The following LSS variants were observed in gnomAD, a reference collection of about 807,000 sequenced individuals.
The protein encoded by LSS is 2,3-epoxysqualene-lanosterol cyclase.
A neutral mutation model predicts 110.3 loss-of-function variants in LSS; 90 were observed. The observed-to-expected ratio is 0.82, with a 90% CI of 0.69 to 0.97. The LOEUF (loss-of-function observed/expected upper bound fraction) is 0.97, where lower values mean the gene tolerates loss of function less well. Ranked by LOEUF, LSS falls within the 50% of genes least tolerant of loss-of-function variation. The pLI, the probability that LSS is intolerant of heterozygous loss-of-function variation, is 0.00. For missense variants in LSS, 927 were observed against 990.0 expected (o/e 0.94, Z 0.85); for synonymous variants, 433 against 400.0 (o/e 1.08, Z -0.98).
In LSS at chr21:46,225,123, A is replaced by G. The variant is rs149804838; in HGVS notation, c.320-2385T>C. 6.2e-3 allele frequency: 1,104 copies of G among 176,912 alleles called. 14 individuals carry two copies. The highest frequency in any genetic ancestry group is 0.025 in the African/African-American group (1,066 of 42,506). 11.0% of individuals were successfully genotyped at this position (176,912 alleles called of 1,614,324 possible). A position where few individuals can be genotyped will look rare whatever the true frequency, so the allele number is the denominator to read the frequency against. On this transcript the variant is annotated intron_variant, in intron 3 of 21. Transcript: ENST00000397728. ...AAGAGTTATACTAGATCTAGATCAT[A>G]CATATGATTATATATGAATATCATT...
At chr21:46,203,979 G>A (rs1188563014) in intron 17 of LSS, among the ~76,000 whole-genome samples, 1 of 152,174 alleles carries the variant, frequency 6.6e-6, no homozygotes, top group Non-Finnish European at 1.5e-5. Flanking sequence ...AAGTATTCAA[G>A]TTAGAAAAAT....
intron 2 of LSS, among the ~76,000 whole-genome samples, chr21:46,228,049 T>TGGCC (rs2080373626): frequency 6.6e-6 from 1 of 152,228 alleles, no homozygotes; most frequent in African/African-American, 2.4e-5. Context: ...TTTCCCTCGG[T>TGGCC]GGCCGGGGCT....
At position 46,188,554 on chromosome 21, in the gene LSS, G is replaced by A. The variant is rs779488867; in HGVS notation, c.*2550C>T. On this transcript the variant is annotated 3_prime_UTR_variant, in exon 22 of 22. Transcript: ENST00000397728. ...TGGTGGTGTCCTTTGTCAAGAGCAT[G>A]TCAGGGTGATGAGTCATCTGGGACA... 51 of 457,082 alleles carry A rather than the reference G, an allele frequency of 1.1e-4. 1 individual carries two copies. The allele number at this position is 457,082 out of a possible 1,614,324, so 28.3% of individuals were successfully genotyped here.
intron 15 of LSS, among the ~76,000 whole-genome samples, chr21:46,207,172 C>T (rs896210362): frequency 5.9e-5 from 9 of 152,382 alleles, no homozygotes; most frequent in Admixed American, 3.9e-4. Context: ...TTGGGGGCCA[C>T]GCCGGCTCCC....
chr21:46,208,170 C>G, intron 14 of LSS, 81 bp downstream of exon 14: 1 of 1,351,130 alleles, frequency 7.4e-7, no homozygotes, highest in East Asian at 2.5e-5. Context: ...GAGGAGCCCC[C>G]CCTTCAGAGG....
intron 2 of LSS, among the ~76,000 whole-genome samples, chr21:46,227,924 A>G (rs936153278): frequency 6.6e-6 from 1 of 152,186 alleles, no homozygotes; most frequent in African/African-American, 2.4e-5. Flanking sequence ...ATTCTTCACA[A>G]CTTCTCCAAG....
At chr21:46,203,404 CG>C (rs895799245) in intron 17 of LSS, among the ~76,000 whole-genome samples, 1 of 152,110 alleles carries the variant, frequency 6.6e-6, no homozygotes, top group African/African-American at 2.4e-5. Flanking sequence ...GTGGGCCAGG[CG>C]TGAAAGGGGC....
chr21:46,207,432 G>A lies in LSS; in HGVS notation c.1463C>T (p.Ala488Val). 6.2e-7 allele frequency: 1 copy of A among 1,612,182 alleles called. No individual in the cohort carries two copies. Among genetic ancestry groups the A allele is most frequent in the South Asian group, 1.1e-5 (1 of 90,624 alleles). Reference sequence around the variant, plus strand: ...CTGCTGGGACCACAGCCTTACCACAGCCACAGCATCGCAGAGCCGTTCTCT... The same window carrying A: ...CTGCTGGGACCACAGCCTTACCACAACCACAGCATCGCAGAGCCGTTCTCT... ...IPRERLCDAV[A>V]VLLNMRNPDG... Residue 488 changes from alanine to valine, a missense_variant, in exon 15 of 22, where the codon GCT becomes GTT. By Grantham distance (64) the Ala-to-Val change is moderately conservative. Coordinates refer to ENST00000397728, the MANE Select transcript of LSS (RefSeq NM_002340.6).
chr21:46,219,784 G>T (rs1031113695), intron 5 of LSS, among the ~76,000 whole-genome samples: 1 of 152,210 alleles, frequency 6.6e-6, no homozygotes, highest in African/African-American at 2.4e-5. Flanking sequence ...GGTGGAACCA[G>T]TGGCTTTCCT....
chr21:46,222,169 C>T, intron 4 of LSS, 194 bp from the exon 5 acceptor site: 1 of 607,974 alleles, frequency 1.6e-6, no homozygotes, highest in East Asian at 2.8e-5. Flanking sequence ...GACAACTGAG[C>T]CCCCCACTCC....
intron 9 of LSS, among the ~76,000 whole-genome samples, chr21:46,214,421 C>T (rs188904306): frequency 7.7e-4 from 117 of 152,332 alleles, no homozygotes; most frequent in African/African-American, 2.7e-3. Context: ...AACAAGGGAC[C>T]CGCTGCAGGG....
intron 5 of LSS, chr21:46,220,286 G>A (rs983291591): frequency 1.3e-5 from 2 of 152,324 alleles, no homozygotes; most frequent in Non-Finnish European, 2.9e-5. Context: ...CCGGACAGCA[G>A]CCTTGGGGAC....
intron 3 of LSS, chr21:46,224,876 T>TGGGGGTG (rs1349967263): frequency 1.2e-5 from 1 of 86,236 alleles, no homozygotes; most frequent in Admixed American, 1.6e-4. Flanking sequence ...TTTGGGAGGC[T>TGGGGGTG]GGGGGTGGGG....
At chr21:46,194,341 C>T in intron 20 of LSS, 150 bp downstream of exon 20, 2 of 923,224 alleles carry the variant, frequency 2.2e-6, no homozygotes, top group Non-Finnish European at 3.2e-6. Context: ...GCATGTGGCT[C>T]TTGTAGGTGT....
chr21:46,200,669 A>C (rs1484868320), intron 17 of LSS, among the ~76,000 whole-genome samples: 1 of 152,254 alleles, frequency 6.6e-6, no homozygotes, highest in East Asian at 1.9e-4. Flanking sequence ...TTCCAGGTTA[A>C]AAGGGTGTCA....
At position 46,216,143 on chromosome 21, in the gene LSS, T is replaced by A. The variant is rs1170987745; in HGVS notation, c.783+246A>T. Among the ~76,000 whole-genome samples, 3 of 152,024 alleles carry A rather than the reference T, an allele frequency of 2.0e-5. No individual in the cohort carries two copies. The highest frequency in any genetic ancestry group is 4.4e-5 in the Non-Finnish European group (3 of 67,990). ...ACATCTGCCTCCTGCATCCCTTGAG[T>A]CCTGGAAGTCCCCCCCAGGAACCCT... is the stretch of plus-strand genomic sequence containing the variant. On this transcript the variant is annotated intron_variant, in intron 7 of 21. Coordinates refer to ENST00000397728, the MANE Select transcript of LSS (RefSeq NM_002340.6). This position sits in a 1 kb window ranked among gnomAD's most constrained non-coding sequence, Gnocchi z 4.2.
chr21:46,192,378 G>A (rs1601408171), intron 20 of LSS: 1 of 419,746 alleles, frequency 2.4e-6, no homozygotes. Context: ...GTCCCTGACT[G>A]TCCTGCCCTC....
chr21:46,215,439 C>T (rs948332632), intron 8 of LSS, 141 bp from the exon 9 acceptor site: 14 of 592,728 alleles, frequency 2.4e-5, no homozygotes, highest in Non-Finnish European at 3.9e-5. Flanking sequence ...CTGAGCTCCT[C>T]CTTCCCTGCC....
intron 6 of LSS, among the ~76,000 whole-genome samples, chr21:46,217,988 T>A (rs948658847): frequency 2.6e-5 from 4 of 152,092 alleles, no homozygotes; most frequent in Non-Finnish European, 4.4e-5. Flanking sequence ...TGCCTCCCCG[T>A]CACCACCCAA....
Sources: allele counts gnomAD v4.1 joint callset (sites outside exome capture counted in the v4.1 genomes callset), GRCh38; gene constraint gnomAD v4.1.1; non-coding constraint Gnocchi (gnomAD v3.1); transcripts MANE v1.5; gene names NCBI Gene and HGNC (gene_info 2026-07-23, HGNC 2026-07-21).